Variants in PINX1 observed in about 807,000 individuals in gnomAD.
PINX1 encodes the protein PIN2 (TERF1) interacting telomerase inhibitor 1, also known as PIN2/TERF1-interacting telomerase inhibitor 1.
PINX1 carries 34 observed loss-of-function variants against 25.4 expected under a neutral mutation model. The ratio of observed to expected loss-of-function variants is 1.34; its 90% CI spans 1.02 to 1.78. The LOEUF (loss-of-function observed/expected upper bound fraction) is 1.78. Among genes scored for constraint, PINX1 ranks in the 40% most tolerant of loss-of-function variants. The probability of loss-of-function intolerance (pLI) is 0.00; values close to 1 mark genes in which losing one functional copy is unlikely to be tolerated. For missense variants in PINX1, 592 were observed against 404.9 expected (o/e 1.46, Z -3.97); for synonymous variants, 197 against 147.7 (o/e 1.33, Z -2.42).
intron 4 of PINX1, among the ~76,000 whole-genome samples, chr8:10,830,100 T>C (rs891568918): frequency 5.3e-5 from 8 of 152,232 alleles, no homozygotes; most frequent in African/African-American, 2.4e-5. Context: ...CTGCATTTCC[T>C]AATATGAGTC....
intron 1 of PINX1, among the ~76,000 whole-genome samples, chr8:10,835,096 C>A (rs150907817): frequency 5.4e-4 from 82 of 152,334 alleles, no homozygotes; most frequent in African/African-American, 2.0e-3. Context: ...ACTGAAAGCA[C>A]CTGTGGACAC....
intron 6 of PINX1, among the ~76,000 whole-genome samples, chr8:10,766,506 C>A (rs1267088117): frequency 6.6e-6 from 1 of 152,208 alleles, no homozygotes; most frequent in Non-Finnish European, 1.5e-5. Flanking sequence ...GCTCTGGCAG[C>A]TGCTCCTGAA....
intron 1 of PINX1, among the ~76,000 whole-genome samples, chr8:10,837,792 G>A (rs1798448175): frequency 6.6e-6 from 1 of 152,198 alleles, no homozygotes; most frequent in Non-Finnish European, 1.5e-5. Flanking sequence ...AGAGCCAGAG[G>A]CAGAAGTTTT....
At chr8:10,776,419 C>T (rs13256636) in intron 6 of PINX1, among the ~76,000 whole-genome samples, 7,164 of 141,064 alleles carry the variant, frequency 0.051, 192 homozygotes, top group South Asian at 0.083. Flanking sequence ...AGTGAGACTC[C>T]GCTCAATAAA....
At chr8:10,775,410 G>GTTTT (rs143926728) in intron 6 of PINX1, among the ~76,000 whole-genome samples, 58 of 109,572 alleles carry the variant, frequency 5.3e-4, no homozygotes, top group African/African-American at 1.1e-3. Context: ...CTGTTTTGTG[G>GTTTT]TTTTTTTTTT....
intron 3 of PINX1, among the ~76,000 whole-genome samples, chr8:10,832,354 G>A (rs1164505346): frequency 6.6e-6 from 1 of 152,214 alleles, no homozygotes; most frequent in African/African-American, 2.4e-5. Flanking sequence ...GGGTTTCAGT[G>A]TACGAATCTG....
At chr8:10,826,340 C>A in intron 4 of PINX1, 96 bp from the exon 5 acceptor site, 1 of 624,238 alleles carries the variant, frequency 1.6e-6, no homozygotes, top group Non-Finnish European at 2.7e-6. Context: ...ATTTTAGGAG[C>A]CCTATCATTA....
Position 10,768,364 on chromosome 8 carries a change from C to G in PINX1, c.472-2448G>C, listed in dbSNP as rs146574456. Reference sequence around the variant, plus strand: ...GAATTCCTGATTTTAATCACCGGAACTAATTGCTGGTATTAATCACATTTT... The same window carrying G: ...GAATTCCTGATTTTAATCACCGGAAGTAATTGCTGGTATTAATCACATTTT... On this transcript the variant is annotated intron_variant, in intron 6 of 6. Transcript: ENST00000314787. Among the ~76,000 whole-genome samples the G allele has an allele frequency of 3.6e-3, 550 of 152,360 alleles. 3 individuals are homozygous for G. Among genetic ancestry groups the G allele is most frequent in the African/African-American group, 0.013 (524 of 41,584 alleles).
At chr8:10,801,870 G>A (rs983094995) in intron 6 of PINX1, among the ~76,000 whole-genome samples, 3 of 152,158 alleles carry the variant, frequency 2.0e-5, no homozygotes, top group African/African-American at 4.8e-5. Context: ...CGCTGACCAC[G>A]GGTATCGTCC....
chr8:10,791,853 T>TGGGAGCGGGGAGACATCCTGCCC (rs1220670643), intron 6 of PINX1, among the ~76,000 whole-genome samples: 1 of 152,224 alleles, frequency 6.6e-6, no homozygotes, highest in East Asian at 1.9e-4. Flanking sequence ...GGTTCCTGCC[T>TGGGAGCGGGGAGACATCCTGCCC]GGGAGCGGGG....
At chr8:10,771,585 T>C (rs1801223795) in intron 6 of PINX1, among the ~76,000 whole-genome samples, 1 of 152,192 alleles carries the variant, frequency 6.6e-6, no homozygotes, top group Non-Finnish European at 1.5e-5. Flanking sequence ...ACCTCCCTAA[T>C]GAGGAACAAG....
chr8:10,826,476 G>C (rs568993185), intron 4 of PINX1, among the ~76,000 whole-genome samples: 1 of 152,338 alleles, frequency 6.6e-6, no homozygotes, highest in African/African-American at 2.4e-5. Flanking sequence ...AGGCCAGGCT[G>C]CCCTCCAGAA....
At chr8:10,800,173 G>C (rs1802221719) in intron 6 of PINX1, among the ~76,000 whole-genome samples, 1 of 152,140 alleles carries the variant, frequency 6.6e-6, no homozygotes, top group East Asian at 1.9e-4. Context: ...GAGACCTTGG[G>C]TGCAGGAATA....
chr8:10,801,388 CT>C (rs1802260687), intron 6 of PINX1, among the ~76,000 whole-genome samples: 1 of 152,220 alleles, frequency 6.6e-6, no homozygotes, highest in South Asian at 2.1e-4. Context: ...TCTCCAAGTA[CT>C]TTCAATCCAT....
At chr8:10,828,191 C>T (rs745506467) in intron 4 of PINX1, among the ~76,000 whole-genome samples, 3 of 152,212 alleles carry the variant, frequency 2.0e-5, no homozygotes, top group Non-Finnish European at 4.4e-5. Flanking sequence ...GAAACATTCT[C>T]TTCTGCAGCC....
At chr8:10,796,338 C>T (rs1055448752) in intron 6 of PINX1, among the ~76,000 whole-genome samples, 3 of 152,092 alleles carry the variant, frequency 2.0e-5, no homozygotes, top group Middle Eastern at 3.4e-3. Context: ...AAAAGAGGTG[C>T]GATTTGTTTA....
chr8:10,827,683 G>C (rs373110719), intron 4 of PINX1, among the ~76,000 whole-genome samples: 22 of 151,528 alleles, frequency 1.5e-4, no homozygotes, highest in African/African-American at 4.6e-4. Flanking sequence ...GCAGCAGGCA[G>C]ATCATGAGGT....
At chr8:10,778,647 C>A (rs1801488831) in intron 6 of PINX1, among the ~76,000 whole-genome samples, 1 of 152,172 alleles carries the variant, frequency 6.6e-6, no homozygotes, top group African/African-American at 2.4e-5. Context: ...CCATCTGAGA[C>A]ACGTGGCCGC....
At chr8:10,768,729 C>G (rs2116091) in intron 6 of PINX1, among the ~76,000 whole-genome samples, 2,673 of 152,324 alleles carry the variant, frequency 0.018, 66 homozygotes, top group African/African-American at 0.061. Context: ...CTGACTCCTG[C>G]AGGAGCAATG....
Sources: allele counts gnomAD v4.1 joint callset (sites outside exome capture counted in the v4.1 genomes callset), GRCh38; gene constraint gnomAD v4.1.1; transcripts MANE v1.5; gene names NCBI Gene and HGNC (gene_info 2026-07-23, HGNC 2026-07-21).